The following SHANK2 variants were observed in gnomAD, a reference collection of about 807,000 sequenced individuals.
SHANK2 encodes the protein SH3 and multiple ankyrin repeat domains protein 2.
A neutral mutation model predicts 133.7 loss-of-function variants in SHANK2; 43 were observed. That is an observed-to-expected ratio of 0.32 (90% CI 0.25 to 0.41). SHANK2 has a LOEUF of 0.41. Ranked by LOEUF, SHANK2 falls within the 10% of genes least tolerant of loss-of-function variation. SHANK2 has a pLI of 1.00. For missense variants in SHANK2, 1,994 were observed against 2,235.8 expected (o/e 0.89, Z 2.18); for synonymous variants, 1,017 against 952.8 (o/e 1.07, Z -1.24).
chr11:71,244,221 G>A (rs1361474601), intron 1 of SHANK2, among the ~76,000 whole-genome samples: 2 of 152,200 alleles, frequency 1.3e-5, no homozygotes, highest in African/African-American at 4.8e-5. Flanking sequence ...CAGCCTGGAA[G>A]GTGCCTCTGC....
chr11:70,490,240 G>T, intron 23 of SHANK2, 36 bp downstream of exon 23: 4 of 1,560,700 alleles, frequency 2.6e-6, no homozygotes, highest in Non-Finnish European at 3.5e-6. Flanking sequence ...TGAAAGCCCA[G>T]GGGCAACTTC....
At chr11:71,095,345 G>A (rs574030464) in intron 6 of SHANK2, among the ~76,000 whole-genome samples, 44 of 152,296 alleles carry the variant, frequency 2.9e-4, no homozygotes, top group Non-Finnish European at 5.7e-4. Flanking sequence ...AGATGAGCGT[G>A]GCTAAGGACG....
intron 2 of SHANK2, among the ~76,000 whole-genome samples, chr11:71,177,611 A>G (rs1953472238): frequency 6.6e-6 from 1 of 152,248 alleles, no homozygotes; most frequent in Non-Finnish European, 1.5e-5. Context: ...GAAGAAAAGC[A>G]GAATGATGTA....
chr11:70,501,769 C>G (rs2059056992), intron 20 of SHANK2, among the ~76,000 whole-genome samples, 154 bp downstream of exon 20: 1 of 152,356 alleles, frequency 6.6e-6, no homozygotes, highest in African/African-American at 2.4e-5. Flanking sequence ...CCCACGCTAT[C>G]TACACACAGA....
At chr11:70,665,779 G>A (rs1944668127) in intron 15 of SHANK2, among the ~76,000 whole-genome samples, 1 of 152,326 alleles carries the variant, frequency 6.6e-6, no homozygotes, top group Non-Finnish European at 1.5e-5. Flanking sequence ...CAAGTGAGGC[G>A]ATGCCCAGTG....
chr11:71,217,225 G>A (rs12222935), intron 2 of SHANK2, among the ~76,000 whole-genome samples: 2 of 151,658 alleles, frequency 1.3e-5, no homozygotes, highest in African/African-American at 4.9e-5. Flanking sequence ...TAAACTAGGG[G>A]CCAGGTGCAG....
At chr11:70,501,523 ATC>A (rs2059052427) in intron 20 of SHANK2, among the ~76,000 whole-genome samples, 1 of 152,128 alleles carries the variant, frequency 6.6e-6, no homozygotes, top group African/African-American at 2.4e-5. Flanking sequence ...CCTACATGCC[ATC>A]TCTGTGTGTT....
chr11:70,754,571 C>G (rs1383914965), intron 14 of SHANK2, among the ~76,000 whole-genome samples: 1 of 152,206 alleles, frequency 6.6e-6, no homozygotes, highest in Non-Finnish European at 1.5e-5. Flanking sequence ...CAGCCTCCCC[C>G]CGGTGAGCTC....
chr11:71,057,457 G>A (rs1189808830), intron 9 of SHANK2, among the ~76,000 whole-genome samples: 7 of 152,200 alleles, frequency 4.6e-5, no homozygotes, highest in Non-Finnish European at 8.8e-5. Flanking sequence ...TAGAAAAGCA[G>A]GGACTATGTC....
Position 70,487,337 on chromosome 11 carries a change from C to T in SHANK2, c.2956G>A (p.Glu986Lys). The stretch of plus-strand genomic sequence containing the variant: ...TTCCCCACCTCTGAGTATGGGTTTT[C>T]TGGCATCTGGCCTCTCTTGTTGCGG... ...NFRNKRGQMP[E>K]NPYSEVGKIA... Residue 986 changes from glutamate (E) to lysine (K), a missense_variant, in exon 25 of 26, where the codon GAA (glutamate) becomes AAA (lysine). Glu to Lys is a moderately conservative substitution (Grantham distance 56). Transcript: ENST00000601538. The surrounding 1 kb of genome is among the most constrained non-coding windows in gnomAD (Gnocchi z 5.8). The T allele has an allele frequency of 6.2e-7, 1 of 1,614,196 alleles. No individual in the cohort carries two copies. Among genetic ancestry groups the T allele is most frequent in the Non-Finnish European group, 8.5e-7 (1 of 1,180,038 alleles).
At chr11:71,092,691 A>G in intron 7 of SHANK2, 102 bp from the exon 8 acceptor site, 1 of 1,156,746 alleles carries the variant, frequency 8.6e-7, no homozygotes, top group Non-Finnish European at 1.2e-6. Flanking sequence ...CCCCCAGGTC[A>G]AGGCAACCCA....
At chr11:70,567,931 C>T (rs1026999820) in intron 17 of SHANK2, among the ~76,000 whole-genome samples, 1 of 152,208 alleles carries the variant, frequency 6.6e-6, no homozygotes, top group Non-Finnish European at 1.5e-5. Context: ...AACCCAAACA[C>T]GTCAAATGGA....
At chr11:71,243,017 T>C (rs1366506174) in intron 1 of SHANK2, among the ~76,000 whole-genome samples, 1 of 151,614 alleles carries the variant, frequency 6.6e-6, no homozygotes, top group Non-Finnish European at 1.5e-5. Flanking sequence ...TTGAAACGAG[T>C]GAAAAAGAAG....
At chr11:71,225,908 A>G (rs1341309865) in intron 1 of SHANK2, among the ~76,000 whole-genome samples, 1 of 152,152 alleles carries the variant, frequency 6.6e-6, no homozygotes, top group Non-Finnish European at 1.5e-5. Flanking sequence ...TGGATCACTC[A>G]AGGTTAGAAG....
chr11:70,783,719 C>G (rs546469966), intron 14 of SHANK2, among the ~76,000 whole-genome samples: 1 of 152,098 alleles, frequency 6.6e-6, no homozygotes, highest in Admixed American at 6.5e-5. Flanking sequence ...GGTGCTGGGT[C>G]CACAGGGTTT....
At chr11:71,222,898 C>T (rs911294139) in intron 2 of SHANK2, among the ~76,000 whole-genome samples, 8 of 152,250 alleles carry the variant, frequency 5.3e-5, no homozygotes, top group Non-Finnish European at 4.4e-5. Flanking sequence ...TATGCAGCAT[C>T]GGCCACAGAC....
intron 10 of SHANK2, among the ~76,000 whole-genome samples, chr11:70,953,536 T>C (rs1017447298): frequency 6.6e-6 from 1 of 151,066 alleles, no homozygotes; most frequent in African/African-American, 2.4e-5. Flanking sequence ...GCCAAACAAC[T>C]TGGAGTCTGC....
intron 14 of SHANK2, among the ~76,000 whole-genome samples, chr11:70,780,045 C>G (rs1947448880): frequency 6.6e-6 from 1 of 152,148 alleles, no homozygotes. Context: ...AGGCACCATC[C>G]TGAGAGGGAG....
At chr11:70,943,066 C>T in intron 10 of SHANK2, 1 of 456,810 alleles carries the variant, frequency 2.2e-6, no homozygotes, top group Non-Finnish European at 4.4e-6. Flanking sequence ...AAGCTTCCTG[C>T]AGAGGAAGCA....
Sources: gnomAD v4.1 joint callset for allele counts (sites outside exome capture counted in the v4.1 genomes callset) on GRCh38, gnomAD v4.1.1 for gene constraint, Gnocchi (gnomAD v3.1) non-coding constraint, MANE v1.5 for transcripts, NCBI Gene and HGNC (gene_info 2026-07-23, HGNC 2026-07-21) for gene names.